Variants in SYT1 observed in about 807,000 individuals in gnomAD.
The protein encoded by SYT1 is synaptotagmin-1.
A neutral mutation model predicts 44.8 loss-of-function variants in SYT1; 8 were observed. The observed-to-expected ratio is 0.18, with a 90% CI of 0.10 to 0.32. The LOEUF is 0.32. SYT1 is among the 10% of genes least tolerant of loss of function. SYT1 has a pLI of 1.00. For synonymous variants in SYT1, 154 were observed against 188.8 expected (o/e 0.82, Z 1.51); for missense variants, 286 against 509.3 (o/e 0.56, Z 4.22).
intron 3 of SYT1, among the ~76,000 whole-genome samples, chr12:79,058,936 G>A (rs1278170153): frequency 6.6e-6 from 1 of 151,966 alleles, no homozygotes; most frequent in African/African-American, 2.4e-5. Context: ...TAGAAGATTT[G>A]TTAATGAGGT....
At chr12:78,953,621 C>G (rs887633605) in intron 1 of SYT1, among the ~76,000 whole-genome samples, 4 of 151,904 alleles carry the variant, frequency 2.6e-5, no homozygotes, top group Non-Finnish European at 5.9e-5. Flanking sequence ...AGGCATTCAG[C>G]AAACACAATT....
intron 1 of SYT1, among the ~76,000 whole-genome samples, chr12:78,973,939 ATATATAT>A (rs1371685128): frequency 6.9e-3 from 78 of 11,258 alleles, no homozygotes; most frequent in East Asian, 8.1e-3. Context: ...AAAAAAAAAA[ATATATAT>A]ATATATATAT....
chr12:79,212,641 T>C (rs910497085), intron 3 of SYT1, among the ~76,000 whole-genome samples: 3 of 152,216 alleles, frequency 2.0e-5, no homozygotes, highest in Non-Finnish European at 2.9e-5. Flanking sequence ...TGAATTCCAC[T>C]TTAACAAACT....
At chr12:79,444,240 A>G in intron 10 of SYT1, 34 bp downstream of exon 10, 1 of 1,610,564 alleles carries the variant, frequency 6.2e-7, no homozygotes. Context: ...TTCCCACTCA[A>G]TTTCATTCCT....
chr12:78,903,177 G>T (rs928611084), intron 1 of SYT1, among the ~76,000 whole-genome samples: 1 of 151,534 alleles, frequency 6.6e-6, no homozygotes, highest in African/African-American at 2.4e-5. Context: ...AATAAATGTA[G>T]ATACTTTTTT....
chr12:79,194,256 G>T (rs1873305409), intron 3 of SYT1, among the ~76,000 whole-genome samples: 1 of 152,044 alleles, frequency 6.6e-6, no homozygotes, highest in African/African-American at 2.4e-5. Flanking sequence ...TGATTTAAGA[G>T]CCATATTGTA....
intron 2 of SYT1, among the ~76,000 whole-genome samples, chr12:78,979,931 A>G (rs972057107): frequency 1.3e-5 from 2 of 152,106 alleles, no homozygotes; most frequent in Non-Finnish European, 2.9e-5. Context: ...AACACTTTTT[A>G]AAGAATTTCA....
At position 79,293,626 on chromosome 12, in the gene SYT1, A is replaced by C. The variant is rs74742323; in HGVS notation, c.474+1496A>C. On this transcript the variant is annotated intron_variant, in intron 6 of 10. Coordinates refer to ENST00000261205, the MANE Select transcript of SYT1 (RefSeq NM_005639.3). ...GCTCATCTTTGATAACTAACATCCA[A>C]AGTCAGTAATGCTGTGAGAGCTCTA... Among the ~76,000 whole-genome samples, 565 of 152,230 alleles carry C rather than the reference A, an allele frequency of 3.7e-3. 2 individuals are homozygous for C. The highest frequency in any genetic ancestry group is 0.013 in the African/African-American group (531 of 41,568).
chr12:79,067,110 G>C (rs1029968719), intron 3 of SYT1, among the ~76,000 whole-genome samples: 1 of 152,136 alleles, frequency 6.6e-6, no homozygotes, highest in Non-Finnish European at 1.5e-5. Context: ...TTGTCCCACT[G>C]TGAGATTCTC....
rs369746230 is a variant in SYT1 at position 79,011,123 on chromosome 12, C to T, written c.-84+33192C>T. ...TTAGAATATAATATGAAACTTTACT[C>T]GAAATAATATAATGTCATTAGTGAA... On this transcript the variant is annotated intron_variant, in intron 2 of 10. Transcript: ENST00000261205. Among the ~76,000 whole-genome samples, 16 of 152,104 alleles carry T rather than the reference C, an allele frequency of 1.1e-4. 1 individual carries two copies. The highest frequency in any genetic ancestry group is 5.8e-4 in the East Asian group (3 of 5,172).
At chr12:78,915,669 G>A (rs1256359229) in intron 1 of SYT1, among the ~76,000 whole-genome samples, 1 of 151,738 alleles carries the variant, frequency 6.6e-6, no homozygotes, top group East Asian at 1.9e-4. Context: ...AACAAAATTT[G>A]TCTGAATAAG....
At chr12:79,263,667 A>T (rs1033701800) in intron 4 of SYT1, among the ~76,000 whole-genome samples, 4 of 152,208 alleles carry the variant, frequency 2.6e-5, no homozygotes, top group Non-Finnish European at 5.9e-5. Context: ...ATGGTTACAT[A>T]TAAGCAAAAT....
At chr12:79,349,076 G>GGGAAGGAAGGGA (rs1381178194) in intron 8 of SYT1, among the ~76,000 whole-genome samples, 2 of 141,852 alleles carry the variant, frequency 1.4e-5, no homozygotes, top group Non-Finnish European at 3.1e-5. Context: ...GAGGGAGGGA[G>GGGAAGGAAGGGA]GGAAGGAAGG....
intron 3 of SYT1, among the ~76,000 whole-genome samples, chr12:79,216,429 A>C (rs543681184): frequency 5.3e-5 from 8 of 152,312 alleles, no homozygotes; most frequent in African/African-American, 1.9e-4. Context: ...CTGCAGGAAA[A>C]TTACAAAGTC....
chr12:79,300,789 TTATATATATA>T lies in SYT1; in HGVS notation c.810+1264_810+1273del, dbSNP rs56934430. Among the ~76,000 whole-genome samples the T allele has an allele frequency of 9.5e-4, 85 of 89,610 alleles. 1 individual carries two copies. Among genetic ancestry groups the T allele is most frequent in the South Asian group, 1.9e-3 (4 of 2,100 alleles). The allele number at this position is 89,610 out of a possible 152,430, so 58.8% of individuals were successfully genotyped here. A position where few individuals can be genotyped will look rare whatever the true frequency, so the allele number is the denominator to read the frequency against. On this transcript the variant is annotated intron_variant, in intron 8 of 10. Coordinates refer to ENST00000261205, the MANE Select transcript of SYT1 (RefSeq NM_005639.3). ...TGTATATAATATTCATGTATACTTA[TTATATATATA>T]TATATATATATATATATATATATAT...
intron 1 of SYT1, among the ~76,000 whole-genome samples, chr12:78,882,586 G>A (rs891582666): frequency 2.6e-5 from 4 of 151,730 alleles, no homozygotes; most frequent in Admixed American, 6.6e-5. Flanking sequence ...CAAACTCTGC[G>A]TGGTAGAGAG....
chr12:79,109,950 A>G (rs915956655), intron 3 of SYT1, among the ~76,000 whole-genome samples: 16 of 152,232 alleles, frequency 1.1e-4, no homozygotes, highest in African/African-American at 3.9e-4. Context: ...AGAATCTCAG[A>G]TGAGATATGA....
chr12:79,264,715 C>T (rs1261703833), intron 4 of SYT1, among the ~76,000 whole-genome samples: 1 of 152,170 alleles, frequency 6.6e-6, no homozygotes, highest in Non-Finnish European at 1.5e-5. Flanking sequence ...ATACAAAGTA[C>T]TGCATATTGT....
At chr12:79,062,783 G>C (rs1055999439) in intron 3 of SYT1, among the ~76,000 whole-genome samples, 6 of 152,146 alleles carry the variant, frequency 3.9e-5, no homozygotes, top group African/African-American at 1.4e-4. Context: ...TGAATGGTTA[G>C]AAATGTTCTT....
Sources: gnomAD v4.1 joint callset for allele counts (sites outside exome capture counted in the v4.1 genomes callset) on GRCh38, gnomAD v4.1.1 for gene constraint, MANE v1.5 for transcripts, NCBI Gene and HGNC (gene_info 2026-07-23, HGNC 2026-07-21) for gene names.